The following GRIP2 variants were observed in gnomAD, a reference collection of about 807,000 sequenced individuals.
The protein encoded by GRIP2 is glutamate receptor interacting protein 2.
In GRIP2, 58 loss-of-function variants were observed where a neutral mutation model predicts 108.3. The observed-to-expected ratio is 0.54, with a 90% CI of 0.43 to 0.67. GRIP2 has a LOEUF of 0.67. Among genes scored for constraint, GRIP2 ranks in the 30% least tolerant of loss-of-function variants. The pLI is 0.00. For missense variants in GRIP2, 1,278 were observed against 1,430.6 expected (o/e 0.89, Z 1.72); for synonymous variants, 586 against 598.2 (o/e 0.98, Z 0.30).
At chr3:14,591,692 T>A in the GRIP2 span, among the ~76,000 whole-genome samples, 9 of 152,200 alleles carry the variant, frequency 5.9e-5, no homozygotes, top group Admixed American at 4.6e-4. Context: ...AAACCGTGCC[T>A]CTTGCCTTCT....
upstream of GRIP2, among the ~76,000 whole-genome samples, chr3:14,543,445 G>C (rs1214993273): frequency 1.3e-5 from 2 of 152,268 alleles, no homozygotes; most frequent in African/African-American, 4.8e-5. Context: ...CAAACACAGA[G>C]TGCAGGCTGA....
At chr3:14,599,884 T>G in the GRIP2 span, among the ~76,000 whole-genome samples, 2 of 151,904 alleles carry the variant, frequency 1.3e-5, no homozygotes, top group African/African-American at 2.4e-5. Context: ...CAGACACACA[T>G]ACACACACAA....
At chr3:14,555,212 C>A (rs1397780342) in intron 1 of GRIP2, among the ~76,000 whole-genome samples, 3 of 152,116 alleles carry the variant, frequency 2.0e-5, no homozygotes, top group African/African-American at 4.8e-5. Context: ...AGCCAGGCAG[C>A]CTTCACCTAT....
intron 3 of GRIP2, among the ~76,000 whole-genome samples, chr3:14,524,974 A>G (rs951996307): frequency 6.6e-6 from 1 of 152,214 alleles, no homozygotes; most frequent in Admixed American, 6.5e-5. Flanking sequence ...AGGGAGCCAC[A>G]GGGGCAAATG....
At chr3:14,576,111 G>A in the GRIP2 span, among the ~76,000 whole-genome samples, 1 of 152,248 alleles carries the variant, frequency 6.6e-6, no homozygotes, top group African/African-American at 2.4e-5. Flanking sequence ...GTAGCAGGCA[G>A]CAGCTCCAGG....
chr3:14,571,236 G>A, the GRIP2 span, among the ~76,000 whole-genome samples: 3 of 152,162 alleles, frequency 2.0e-5, no homozygotes, highest in African/African-American at 7.2e-5. Flanking sequence ...GGGCATGTGT[G>A]TGCTTTACTC....
chr3:14,564,838 C>T, the GRIP2 span, among the ~76,000 whole-genome samples: 1 of 152,230 alleles, frequency 6.6e-6, no homozygotes, highest in Non-Finnish European at 1.5e-5. Context: ...GGCAGGAGGC[C>T]AAGGTCATGC....
upstream of GRIP2, among the ~76,000 whole-genome samples, chr3:14,560,493 T>C (rs148166501): frequency 1.1e-3 from 164 of 152,114 alleles, no homozygotes; most frequent in African/African-American, 3.7e-3. Context: ...CCTATCCCAA[T>C]CCCCAGCCAC....
chr3:14,498,117 G>A (rs1484877761), intron 21 of GRIP2, among the ~76,000 whole-genome samples: 1 of 152,162 alleles, frequency 6.6e-6, no homozygotes, highest in Non-Finnish European at 1.5e-5. Context: ...ACCATTTGGG[G>A]TGCGGGGGGT....
At chr3:14,573,428 G>C in the GRIP2 span, 1 of 1,407,730 alleles carries the variant, frequency 7.1e-7, no homozygotes, top group South Asian at 1.2e-5. Context: ...GGATCCTGGT[G>C]TGCAGGAAGA....
At chr3:14,579,916 C>A in the GRIP2 span, among the ~76,000 whole-genome samples, 1 of 152,200 alleles carries the variant, frequency 6.6e-6, no homozygotes, top group Non-Finnish European at 1.5e-5. Flanking sequence ...CTGGACTGGC[C>A]TTTGGGCTGC....
At chr3:14,555,791 A>C (rs1405398454) in intron 1 of GRIP2, 4 of 399,498 alleles carry the variant, frequency 1.0e-5, no homozygotes, top group Non-Finnish European at 1.8e-5. Context: ...GAGAAACCCA[A>C]AAGGCTCCGC....
the GRIP2 span, among the ~76,000 whole-genome samples, chr3:14,568,301 T>TA: frequency 6.6e-6 from 1 of 152,096 alleles, no homozygotes; most frequent in Admixed American, 6.6e-5. Context: ...ATGCAACTAA[T>TA]AGACACCGGG....
chr3:14,526,030 G>T, intron 1 of GRIP2, 99 bp from the exon 2 acceptor site: 8 of 1,015,456 alleles, frequency 7.9e-6, no homozygotes, highest in Non-Finnish European at 1.2e-5. Context: ...GACGTGGCCT[G>T]TAAGATGGGT....
intron 1 of GRIP2, among the ~76,000 whole-genome samples, chr3:14,539,525 G>A (rs1694910713): frequency 6.6e-6 from 1 of 152,180 alleles, no homozygotes; most frequent in African/African-American, 2.4e-5. Flanking sequence ...TGCCCTTGGA[G>A]CTGTGGTGCA....
Position 14,522,949 on chromosome 3 carries a change from G to A in GRIP2, c.566+51C>T. ...GACCCCACTCCACCTTCTTCGCAGG[G>A]GAGTTGGGGCAGGTCAGTGCAGTGT... On this transcript the variant is annotated intron_variant, in intron 6 of 23. Coordinates refer to ENST00000621039, the MANE Select transcript of GRIP2 (RefSeq NM_001080423.4). This position sits in a 1 kb window ranked among gnomAD's most constrained non-coding sequence, Gnocchi z 4.3. 6.7e-7 allele frequency: 1 copy of A among 1,484,102 alleles called. No individual in the cohort carries two copies. The highest frequency in any genetic ancestry group is 9.4e-7 in the Non-Finnish European group (1 of 1,061,624). 91.9% of individuals were successfully genotyped at this position (1,484,102 alleles called of 1,614,324 possible).
Position 14,505,866 on chromosome 3 carries a change from T to C in GRIP2, c.2399-77A>G. ...CTGCCTGCCCCATTTCCAGCTGTGC[T>C]GAGTGACCCTGGGGAGGTCGTTGCT... On this transcript the variant is annotated intron_variant, in intron 19 of 23. Transcript: ENST00000621039. The surrounding 1 kb of genome is among the most constrained non-coding windows in gnomAD (Gnocchi z 4.2). 1.5e-6 allele frequency: 2 copies of C among 1,377,454 alleles called. No homozygotes were observed. The highest frequency in any genetic ancestry group is 9.7e-7 in the Non-Finnish European group (1 of 1,035,764). The allele number at this position is 1,377,454 out of a possible 1,614,324, so 85.3% of individuals were successfully genotyped here. A position where few individuals can be genotyped will look rare whatever the true frequency, so the allele number is the denominator to read the frequency against.
the GRIP2 span, among the ~76,000 whole-genome samples, chr3:14,598,495 C>G: frequency 4.0e-5 from 6 of 148,670 alleles, no homozygotes; most frequent in African/African-American, 1.2e-4. Flanking sequence ...ACGTTGACAG[C>G]CTTTTATCTC....
chr3:14,543,112 G>C (rs1575031662), upstream of GRIP2, among the ~76,000 whole-genome samples: 1 of 152,310 alleles, frequency 6.6e-6, no homozygotes, highest in East Asian at 1.9e-4. Context: ...TGAGTCCATG[G>C]CCGAAATCCC....
Sources: allele counts gnomAD v4.1 joint callset (sites outside exome capture counted in the v4.1 genomes callset), GRCh38; gene constraint gnomAD v4.1.1; non-coding constraint Gnocchi (gnomAD v3.1); transcripts MANE v1.5; gene names NCBI Gene and HGNC (gene_info 2026-07-23, HGNC 2026-07-21).